The following TSHZ2 variants were observed in gnomAD, a reference collection of about 807,000 sequenced individuals.
TSHZ2 encodes teashirt homolog 2.
TSHZ2 carries 21 observed loss-of-function variants against 74.4 expected under a neutral mutation model. The observed-to-expected ratio is 0.28, with a 90% CI of 0.20 to 0.41. The LOEUF is 0.41. TSHZ2 is among the 10% of genes least tolerant of loss of function. The probability of loss-of-function intolerance (pLI) is 1.00; values close to 1 mark genes in which losing one functional copy is unlikely to be tolerated. For synonymous variants in TSHZ2, 540 were observed against 515.3 expected (o/e 1.05, Z -0.65); for missense variants, 1,244 against 1,293.5 (o/e 0.96, Z 0.59).
At chr20:53,349,863 A>C (rs967237616) in intron 2 of TSHZ2, among the ~76,000 whole-genome samples, 1 of 152,214 alleles carries the variant, frequency 6.6e-6, no homozygotes, top group Non-Finnish European at 1.5e-5. Context: ...CAGTTCCAGA[A>C]GTCAGAAGTC....
At chr20:53,102,490 G>C (rs1986245231) in intron 1 of TSHZ2, among the ~76,000 whole-genome samples, 1 of 150,806 alleles carries the variant, frequency 6.6e-6, no homozygotes, top group South Asian at 2.1e-4. Flanking sequence ...GGAGAGGAGG[G>C]GAGAGGAAGG....
At chr20:53,406,527 A>G (rs531418684) in intron 2 of TSHZ2, among the ~76,000 whole-genome samples, 75 of 152,262 alleles carry the variant, frequency 4.9e-4, no homozygotes, top group African/African-American at 1.7e-3. Flanking sequence ...GGACACAGGT[A>G]GAGTCCCTGG....
intron 1 of TSHZ2, among the ~76,000 whole-genome samples, chr20:53,190,840 C>T (rs180803459): frequency 1.3e-5 from 2 of 152,178 alleles, no homozygotes; most frequent in African/African-American, 2.4e-5. Flanking sequence ...CATCACCCTA[C>T]CGAGGGCAGA....
At chr20:53,055,839 C>T (rs970109037) in intron 1 of TSHZ2, among the ~76,000 whole-genome samples, 1 of 152,178 alleles carries the variant, frequency 6.6e-6, no homozygotes, top group African/African-American at 2.4e-5. Flanking sequence ...TTTATTGGCA[C>T]TCAGCTACAT....
intron 1 of TSHZ2, among the ~76,000 whole-genome samples, chr20:53,226,265 G>A (rs1989685468): frequency 1.3e-5 from 2 of 152,118 alleles, no homozygotes; most frequent in Admixed American, 1.3e-4. Flanking sequence ...TATTCTGTCA[G>A]TAACCTTGGG....
At chr20:53,014,561 T>C (rs1207399622) in intron 1 of TSHZ2, among the ~76,000 whole-genome samples, 8 of 152,146 alleles carry the variant, frequency 5.3e-5, no homozygotes, top group Non-Finnish European at 1.2e-4. Flanking sequence ...TCCTAGGCAG[T>C]GCTCTCTGCC....
chr20:53,104,891 G>T (rs73142231), intron 1 of TSHZ2, among the ~76,000 whole-genome samples: 10,182 of 152,266 alleles, frequency 0.067, 428 homozygotes, highest in Non-Finnish European at 0.1. Flanking sequence ...TGTTTGAGGA[G>T]AAGGTGAAGA....
chr20:53,376,691 T>G (rs1335666445), intron 2 of TSHZ2, among the ~76,000 whole-genome samples: 1 of 152,188 alleles, frequency 6.6e-6, no homozygotes, highest in African/African-American at 2.4e-5. Flanking sequence ...GAGAGCTAGC[T>G]GGGCATCTCC....
chr20:53,449,763 G>A (rs1984699567), intron 2 of TSHZ2, among the ~76,000 whole-genome samples: 1 of 152,138 alleles, frequency 6.6e-6, no homozygotes, highest in Non-Finnish European at 1.5e-5. Flanking sequence ...TAATTAGACT[G>A]ACTACTATCT....
intron 1 of TSHZ2, among the ~76,000 whole-genome samples, chr20:53,210,100 G>A (rs1453968424): frequency 1.3e-5 from 2 of 152,252 alleles, no homozygotes; most frequent in African/African-American, 4.8e-5. Flanking sequence ...ACAGGGGTGT[G>A]GCTTGCCTGT....
intron 1 of TSHZ2, among the ~76,000 whole-genome samples, chr20:53,146,151 C>G (rs923808031): frequency 1.3e-5 from 2 of 151,884 alleles, no homozygotes; most frequent in Non-Finnish European, 2.9e-5. Context: ...ACCATGTTGT[C>G]TTTGTGGTCC....
At chr20:53,174,413 A>G (rs1988275622) in intron 1 of TSHZ2, among the ~76,000 whole-genome samples, 1 of 152,224 alleles carries the variant, frequency 6.6e-6, no homozygotes, top group South Asian at 2.1e-4. Flanking sequence ...GCTGTTTGTC[A>G]AAAGCAACCC....
intron 1 of TSHZ2, among the ~76,000 whole-genome samples, chr20:52,991,570 A>G (rs111550546): frequency 3.6e-3 from 383 of 106,248 alleles, no homozygotes; most frequent in African/African-American, 0.011. Flanking sequence ...TGTTGTGGGG[A>G]GAGAGAGTGT....
At chr20:53,429,253 C>G (rs1983756793) in intron 2 of TSHZ2, among the ~76,000 whole-genome samples, 1 of 152,114 alleles carries the variant, frequency 6.6e-6, no homozygotes, top group African/African-American at 2.4e-5. Context: ...AGTGCCAAAA[C>G]AAAAGGGACA....
chr20:53,138,209 C>T lies in TSHZ2; in HGVS notation c.41-115290C>T, dbSNP rs554790580. Among the ~76,000 whole-genome samples, 20 of 152,042 alleles carry T rather than the reference C, an allele frequency of 1.3e-4. No homozygotes were observed. The East Asian group carries it at 1.7e-3, about 13-fold the overall frequency. ...CATCCTGGCTAACACGGTGAAACCC[C>T]GTCTCTACTAAAAAATACAAAAAAA... is the stretch of plus-strand genomic sequence containing the variant. On this transcript the variant is annotated intron_variant, in intron 1 of 2. Coordinates refer to ENST00000371497, the MANE Select transcript of TSHZ2 (RefSeq NM_173485.6).
At chr20:53,127,653 T>A (rs977981071) in intron 1 of TSHZ2, among the ~76,000 whole-genome samples, 4 of 152,238 alleles carry the variant, frequency 2.6e-5, no homozygotes, top group African/African-American at 9.6e-5. Context: ...GAAACTGATG[T>A]TTGATTGACA....
At chr20:53,480,815 C>T (rs906486230) in intron 2 of TSHZ2, among the ~76,000 whole-genome samples, 13 of 152,198 alleles carry the variant, frequency 8.5e-5, no homozygotes, top group Admixed American at 7.9e-4. Context: ...TAGGAGCCAG[C>T]CAAAATGCTG....
rs564235174 is a variant in TSHZ2, at chr20:53,101,993, T to A, written c.40+128660T>A. Among the ~76,000 whole-genome samples, 8 of 149,856 alleles carry A rather than the reference T, an allele frequency of 5.3e-5. No individual in the cohort carries two copies. The East Asian group carries it at 5.8e-4, about 11-fold the overall frequency. ...GAATATCCCTATGAGGACTTTTTTTTAATTTGGTAACAATAAATAAGTCTC... is the reference window on the plus strand; with the variant it reads ...GAATATCCCTATGAGGACTTTTTTTAAATTTGGTAACAATAAATAAGTCTC... On this transcript the variant is annotated intron_variant, in intron 1 of 2. Transcript: ENST00000371497.
chr20:53,353,788 C>T (rs1000857025), intron 2 of TSHZ2, among the ~76,000 whole-genome samples: 1 of 152,186 alleles, frequency 6.6e-6, no homozygotes, highest in African/African-American at 2.4e-5. Context: ...GCAGTTGAAA[C>T]AAGGGTATTA....
Sources: allele counts gnomAD v4.1 joint callset (sites outside exome capture counted in the v4.1 genomes callset), GRCh38; gene constraint gnomAD v4.1.1; transcripts MANE v1.5; gene names NCBI Gene and HGNC (gene_info 2026-07-23, HGNC 2026-07-21).